Variants in DLGAP4 observed in about 807,000 individuals in gnomAD.
DLGAP4 encodes disks large-associated protein 4.
DLGAP4 carries 18 observed loss-of-function variants against 86.9 expected under a neutral mutation model. The observed-to-expected ratio is 0.21, with a 90% confidence interval of 0.14 to 0.31. The LOEUF is 0.31. Ranked by LOEUF, DLGAP4 falls within the 10% of genes least tolerant of loss-of-function variation. The pLI is 1.00. For missense variants in DLGAP4, 1,085 were observed against 1,362.6 expected (o/e 0.80, Z 3.21); for synonymous variants, 548 against 574.3 (o/e 0.95, Z 0.65).
chr20:36,348,775 A>C (rs936825792), intron 1 of DLGAP4, among the ~76,000 whole-genome samples: 1 of 152,070 alleles, frequency 6.6e-6, no homozygotes, highest in Admixed American at 6.6e-5. Flanking sequence ...TCAAGCAGTG[A>C]AAAGTATTAT....
Position 36,439,782 on chromosome 20 carries a change from A to G in DLGAP4, c.1270A>G (p.Met424Val), listed in dbSNP as rs546453261. The G allele has an allele frequency of 1.2e-6, 2 of 1,613,456 alleles. No homozygotes were observed. Among genetic ancestry groups the G allele is most frequent in the Admixed American group, 1.7e-5 (1 of 60,004 alleles). Reference sequence around the variant, plus strand: ...TCTGGACCGCCTGGATTCAGTGGACATGCTGCTGCCCTCCAAGTGTCCGAG... The same window carrying G: ...TCTGGACCGCCTGGATTCAGTGGACGTGCTGCTGCCCTCCAAGTGTCCGAG... ...RSLDRLDSVD[M>V]LLPSKCPSWE... Residue 424 changes from methionine to valine, a missense_variant, in exon 5 of 13, where the codon ATG becomes GTG. Around this residue, in one of 2 missense-constraint regions of DLGAP4, gnomAD observed 1,082 missense variants for 1,344.1 expected, o/e 0.81. Transcript: ENST00000339266.
chr20:36,397,931 G>A (rs2032047976), intron 2 of DLGAP4, among the ~76,000 whole-genome samples: 1 of 152,150 alleles, frequency 6.6e-6, no homozygotes, highest in Admixed American at 6.5e-5. Context: ...AGACTAGCCT[G>A]GCCAACATGG....
chr20:36,419,895 G>A (rs888615014), intron 2 of DLGAP4, among the ~76,000 whole-genome samples: 2 of 152,222 alleles, frequency 1.3e-5, no homozygotes, highest in Non-Finnish European at 2.9e-5. Flanking sequence ...GGAGAGGGGT[G>A]TACACAAGGA....
chr20:36,311,237 G>GT (rs2065050693), intron 1 of DLGAP4, among the ~76,000 whole-genome samples: 1 of 151,480 alleles, frequency 6.6e-6, no homozygotes, highest in Admixed American at 6.6e-5. Context: ...GGAGGGTGGG[G>GT]GGGGTGGACC....
chr20:36,342,543 C>A (rs782762308), intron 1 of DLGAP4, among the ~76,000 whole-genome samples: 1 of 152,188 alleles, frequency 6.6e-6, no homozygotes, highest in Non-Finnish European at 1.5e-5. Context: ...CCAGCAGCCA[C>A]CCCGCTCAGT....
chr20:36,462,417 C>G (rs1275391), intron 7 of DLGAP4: 1,096,390 of 1,481,818 alleles, frequency 0.74, 415,246 homozygotes, highest in Non-Finnish European at 0.78. Flanking sequence ...CTGAAGGCCC[C>G]CCTTTGAGCC....
At chr20:36,338,061 C>G (rs6024358) in intron 1 of DLGAP4, among the ~76,000 whole-genome samples, 2 of 151,982 alleles carry the variant, frequency 1.3e-5, no homozygotes, top group Non-Finnish European at 2.9e-5. Flanking sequence ...GGCAAGTAGC[C>G]TGTGCCCCTG....
At position 36,432,353 on chromosome 20, in the gene DLGAP4, C is replaced by T. The variant is rs371702793; in HGVS notation, c.636C>T (p.Asp212=). The change falls in exon 3 of 13, where the codon GAC becomes GAT. Residue 212 remains aspartate, a synonymous_variant. Transcript: ENST00000339266. The surrounding 1 kb of genome is among the most constrained non-coding windows in gnomAD (Gnocchi z 6.5). The part of the protein sequence containing the change: ...SGWWSSDDNL[D]GEAGAFRSSG... ...GGTGGAGCTCCGATGACAACTTGGACGGCGAGGCCGGCGCCTTCCGCAGCA... is the reference window on the plus strand; with the variant it reads ...GGTGGAGCTCCGATGACAACTTGGATGGCGAGGCCGGCGCCTTCCGCAGCA... 1.1e-5 allele frequency: 18 copies of T among 1,613,320 alleles called. No individual in the cohort carries two copies. Among genetic ancestry groups the T allele is most frequent in the Admixed American group, 5.0e-5 (3 of 60,004 alleles).
At chr20:36,342,429 G>T (rs531216263) in intron 1 of DLGAP4, among the ~76,000 whole-genome samples, 2 of 152,152 alleles carry the variant, frequency 1.3e-5, no homozygotes, top group African/African-American at 4.8e-5. Flanking sequence ...GTTTGGGGCT[G>T]GAGGCCTCAG....
At chr20:36,388,813 C>T (rs558604578) in intron 2 of DLGAP4, among the ~76,000 whole-genome samples, 77 of 152,226 alleles carry the variant, frequency 5.1e-4, no homozygotes, top group Admixed American at 3.8e-3. Flanking sequence ...GCGATTATTA[C>T]TTCTTCATGA....
At chr20:36,400,284 G>A (rs2032119249) in intron 2 of DLGAP4, among the ~76,000 whole-genome samples, 2 of 152,190 alleles carry the variant, frequency 1.3e-5, no homozygotes, top group African/African-American at 2.4e-5. Flanking sequence ...TGGTACCAGC[G>A]ATATTTGAGC....
At chr20:36,337,990 G>A (rs993878192) in intron 1 of DLGAP4, among the ~76,000 whole-genome samples, 2 of 152,220 alleles carry the variant, frequency 1.3e-5, no homozygotes, top group Non-Finnish European at 2.9e-5. Context: ...GGGGAGGGAG[G>A]AGTGGGATTG....
chr20:36,349,838 A>T (rs1180221735), intron 1 of DLGAP4, among the ~76,000 whole-genome samples: 2 of 152,122 alleles, frequency 1.3e-5, no homozygotes, highest in Non-Finnish European at 2.9e-5. Context: ...TCAATAAATA[A>T]TAGCTATTTA....
At chr20:36,323,289 A>G (rs2065187661) in intron 1 of DLGAP4, among the ~76,000 whole-genome samples, 1 of 151,686 alleles carries the variant, frequency 6.6e-6, no homozygotes, top group Admixed American at 6.6e-5. Flanking sequence ...GGGGCAACCA[A>G]TATTCTGACT....
intron 7 of DLGAP4, among the ~76,000 whole-genome samples, chr20:36,493,605 C>A (rs992592238): frequency 2.2e-4 from 34 of 152,136 alleles, no homozygotes; most frequent in Non-Finnish European, 3.7e-4. Context: ...GTCCCAGGGC[C>A]CAGCAGGATG....
chr20:36,330,773 C>T (rs979726377), intron 1 of DLGAP4, among the ~76,000 whole-genome samples: 12 of 152,044 alleles, frequency 7.9e-5, no homozygotes, highest in East Asian at 1.9e-4. Flanking sequence ...GAGGTTTCAC[C>T]GTGTTAGTCA....
At chr20:36,499,472 T>G in intron 8 of DLGAP4, 116 bp from the exon 9 acceptor site, 1 of 1,360,056 alleles carries the variant, frequency 7.4e-7, no homozygotes, top group Non-Finnish European at 1.0e-6. Flanking sequence ...CGTGTCTGTC[T>G]GTCCACACGT....
intron 1 of DLGAP4, among the ~76,000 whole-genome samples, chr20:36,313,724 G>A (rs1420222876): frequency 0.095 from 20 of 210 alleles, no homozygotes; most frequent in African/African-American, 0.21. Context: ...GTGGTCATCC[G>A]TTTTAACATC....
chr20:36,359,205 C>T (rs568394812), intron 1 of DLGAP4, among the ~76,000 whole-genome samples: 20 of 152,282 alleles, frequency 1.3e-4, no homozygotes, highest in African/African-American at 3.4e-4. Flanking sequence ...CTGTAACCTC[C>T]GTCTCCCAGA....
Sources: allele counts gnomAD v4.1 joint callset (sites outside exome capture counted in the v4.1 genomes callset), GRCh38; gene constraint gnomAD v4.1.1; regional missense constraint gnomAD v4.1.1; non-coding constraint Gnocchi (gnomAD v3.1); transcripts MANE v1.5; gene names NCBI Gene and HGNC (gene_info 2026-07-23, HGNC 2026-07-21).